CNTLN: variants seen among roughly 807,000 people sequenced by gnomAD.
The protein encoded by CNTLN is centlein.
In CNTLN, 212 loss-of-function variants were observed where a neutral mutation model predicts 180.0. The observed-to-expected ratio is 1.18, with a 90% CI of 1.05 to 1.32. The LOEUF is 1.32. Among genes scored for constraint, CNTLN ranks in the 40% most tolerant of loss-of-function variants. The probability of loss-of-function intolerance (pLI) is 0.00; values close to 1 mark genes in which losing one functional copy is unlikely to be tolerated. For synonymous variants in CNTLN, 722 were observed against 563.1 expected, an observed-to-expected ratio of 1.28 and a Z score of -3.99; for missense variants, 2,095 against 1,610.9, an observed-to-expected ratio of 1.30 and a Z score of -5.14.
At chr9:17,367,849 C>T (rs1276303163) in intron 13 of CNTLN, among the ~76,000 whole-genome samples, 2 of 148,896 alleles carry the variant, frequency 1.3e-5, no homozygotes, top group African/African-American at 5.0e-5. Flanking sequence ...CAGCAATACC[C>T]AGATGGTACA....
chr9:17,485,497 A>G (rs1297971130), intron 24 of CNTLN, among the ~76,000 whole-genome samples: 1 of 152,176 alleles, frequency 6.6e-6, no homozygotes, highest in Admixed American at 6.6e-5. Context: ...TTTGAAGTAT[A>G]AGAACAATAT....
intron 3 of CNTLN, among the ~76,000 whole-genome samples, chr9:17,233,587 G>A (rs1281870881): frequency 6.6e-6 from 1 of 152,136 alleles, no homozygotes; most frequent in African/African-American, 2.4e-5. Context: ...TTGCAGTCAT[G>A]CTGAAGAGTG....
At chr9:17,308,873 T>G (rs1313126547) in intron 7 of CNTLN, among the ~76,000 whole-genome samples, 185 bp from the exon 8 acceptor site, 1 of 112,394 alleles carries the variant, frequency 8.9e-6, no homozygotes, top group Non-Finnish European at 1.9e-5. Flanking sequence ...ATTAAACATA[T>G]TATTATATAA....
At chr9:17,236,374 TTTTA>T in intron 4 of CNTLN, 31 bp from the exon 5 acceptor site, 1 of 1,512,022 alleles carries the variant, frequency 6.6e-7, no homozygotes, top group East Asian at 2.4e-5. Context: ...TTTCGTTTTG[TTTTA>T]TTTATTTGCC....
chr9:17,394,730 A>T lies in CNTLN; in HGVS notation c.2276A>T (p.Glu759Val). ...AAAGATGTAGAAAAAGAAAATACTGAACTTCAAGTAAAAATCAGTGAGCTG... is the reference window on the plus strand; with the variant it reads ...AAAGATGTAGAAAAAGAAAATACTGTACTTCAAGTAAAAATCAGTGAGCTG... Reference protein sequence around the residue: ...GSKDVEKENTELQVKISELET... With the variant: ...GSKDVEKENTVLQVKISELET... The change falls in exon 15 of 26, where the codon GAA (glutamate) becomes GTA (valine). Residue 759 changes from glutamate to valine, a missense_variant. Transcript: ENST00000380647. The T allele has an allele frequency of 1.9e-6, 3 of 1,614,046 alleles. No homozygotes were observed. Among genetic ancestry groups the T allele is most frequent in the Non-Finnish European group, 1.7e-6 (2 of 1,179,990 alleles).
At chr9:17,454,502 C>G (rs970635805) in intron 18 of CNTLN, among the ~76,000 whole-genome samples, 3 of 152,110 alleles carry the variant, frequency 2.0e-5, no homozygotes, top group African/African-American at 7.2e-5. Flanking sequence ...TGACTTAAGA[C>G]GAGCTAAAGT....
At chr9:17,395,394 T>G (rs1421444395) in intron 15 of CNTLN, among the ~76,000 whole-genome samples, 1 of 152,148 alleles carries the variant, frequency 6.6e-6, no homozygotes, top group African/African-American at 2.4e-5. Flanking sequence ...GCTGGCCCTT[T>G]GCATATTCAC....
At chr9:17,172,138 T>G (rs1447135056) in intron 2 of CNTLN, among the ~76,000 whole-genome samples, 1 of 152,112 alleles carries the variant, frequency 6.6e-6, no homozygotes, top group Non-Finnish European at 1.5e-5. Context: ...GGGGTGGTTA[T>G]GGCTACTGTT....
intron 2 of CNTLN, among the ~76,000 whole-genome samples, chr9:17,203,031 G>C (rs1252522063): frequency 6.7e-6 from 1 of 149,972 alleles, no homozygotes; most frequent in African/African-American, 2.5e-5. Context: ...GGCAGGCCTG[G>C]TGGTGACAGA....
At chr9:17,230,234 A>G (rs1824724957) in intron 3 of CNTLN, among the ~76,000 whole-genome samples, 1 of 152,184 alleles carries the variant, frequency 6.6e-6, no homozygotes, top group Admixed American at 6.6e-5. Context: ...CTCGGCTACT[A>G]TACAAAAATA....
rs543331135 is a variant in CNTLN at position 17,456,491 on chromosome 9, A to G, written c.3115-1033A>G. ...CATATTTAATAATATGCACTTACAT[A>G]TACAAATACATATATAATTATGGTA... On this transcript the variant is annotated intron_variant, in intron 18 of 25. Coordinates refer to ENST00000380647, the MANE Select transcript of CNTLN (RefSeq NM_017738.4). Among the ~76,000 whole-genome samples, 6 of 152,296 alleles carry G rather than the reference A, an allele frequency of 3.9e-5. No homozygotes were observed. In the South Asian group the frequency reaches 1.0e-3, roughly 26 times the overall value.
chr9:17,338,598 G>T (rs116135055), intron 10 of CNTLN, among the ~76,000 whole-genome samples: 2,391 of 151,864 alleles, frequency 0.016, 65 homozygotes, highest in African/African-American at 0.055. Context: ...ATATGAGAAG[G>T]TACCAACATT....
intron 15 of CNTLN, among the ~76,000 whole-genome samples, chr9:17,406,533 A>G (rs1827406282): frequency 6.6e-6 from 1 of 151,726 alleles, no homozygotes; most frequent in African/African-American, 2.4e-5. Context: ...CTAATGATCA[A>G]TCTATTTCAG....
intron 18 of CNTLN, among the ~76,000 whole-genome samples, chr9:17,420,498 C>A (rs1341551258): frequency 6.6e-6 from 1 of 151,876 alleles, no homozygotes; most frequent in African/African-American, 2.4e-5. Flanking sequence ...TTTTGAGAAA[C>A]CAACTTTTTG....
At chr9:17,144,827 A>T (rs937517517) in intron 2 of CNTLN, among the ~76,000 whole-genome samples, 7 of 148,114 alleles carry the variant, frequency 4.7e-5, no homozygotes, top group African/African-American at 7.4e-5. Context: ...ATTTTATTTT[A>T]TTTTTTTTAT....
At chr9:17,215,537 T>A (rs115410713) in intron 2 of CNTLN, among the ~76,000 whole-genome samples, 2,037 of 152,260 alleles carry the variant, frequency 0.013, 50 homozygotes, top group African/African-American at 0.047. Flanking sequence ...CATTCTCAGA[T>A]CTCACACTCC....
Position 17,273,734 on chromosome 9 carries a change from C to G in CNTLN, c.851C>G (p.Thr284Ser). The change falls in exon 6 of 26, where the codon ACC (threonine) becomes AGC (serine). Residue 284 changes from threonine to serine, a missense_variant and splice_region_variant. Thr to Ser is a moderately conservative substitution (Grantham distance 58). Coordinates refer to ENST00000380647, the MANE Select transcript of CNTLN (RefSeq NM_017738.4). ...EKYSTDAKIK[T>S]FEDNLIEARK... Reference sequence around the variant, plus strand: ...TTGATATAAGCACTCTAATTTTAGACCTTTGAAGACAATTTAATTGAAGCA... The same window carrying G: ...TTGATATAAGCACTCTAATTTTAGAGCTTTGAAGACAATTTAATTGAAGCA... 6.7e-7 allele frequency: 1 copy of G among 1,493,386 alleles called. No individual in the cohort carries two copies. The highest frequency in any genetic ancestry group is 1.3e-5 in the South Asian group (1 of 75,124). 92.5% of individuals were successfully genotyped at this position (1,493,386 alleles called of 1,614,324 possible).
chr9:17,365,178 G>A (rs1288204696), intron 12 of CNTLN, among the ~76,000 whole-genome samples: 1 of 152,136 alleles, frequency 6.6e-6, no homozygotes, highest in Non-Finnish European at 1.5e-5. Context: ...GATCATGTGG[G>A]CGGACTTCCC....
intron 15 of CNTLN, among the ~76,000 whole-genome samples, chr9:17,406,537 A>C: frequency 6.6e-6 from 1 of 151,692 alleles, no homozygotes; most frequent in East Asian, 1.9e-4. Flanking sequence ...TGATCAATCT[A>C]TTTCAGATTT....
Sources: allele counts gnomAD v4.1 joint callset (sites outside exome capture counted in the v4.1 genomes callset), GRCh38; gene constraint gnomAD v4.1.1; transcripts MANE v1.5; gene names NCBI Gene and HGNC (gene_info 2026-07-23, HGNC 2026-07-21).